KCNN2: variants seen among roughly 807,000 people sequenced by gnomAD.
KCNN2 encodes potassium calcium-activated channel subfamily N member 2.
A neutral mutation model predicts 55.5 loss-of-function variants in KCNN2; 24 were observed. The observed-to-expected ratio is 0.43, with a 90% confidence interval of 0.31 to 0.61. The LOEUF (loss-of-function observed/expected upper bound fraction) is 0.61, where lower values mean the gene tolerates loss of function less well. Ranked by LOEUF, KCNN2 falls within the 20% of genes least tolerant of loss-of-function variation. The pLI is 0.08. For missense variants in KCNN2, 754 were observed against 853.6 expected, an observed-to-expected ratio of 0.88 and a Z score of 1.45; for synonymous variants, 431 against 336.1, an observed-to-expected ratio of 1.28 and a Z score of -3.09.
chr5:114,234,055 TATATC>T (rs1295157541), intron 2 of KCNN2, among the ~76,000 whole-genome samples: 1 of 152,080 alleles, frequency 6.6e-6, no homozygotes, highest in Non-Finnish European at 1.5e-5. Flanking sequence ...AATTCATCCT[TATATC>T]ATTCATTTGA....
At chr5:114,225,679 C>T (rs1754226112) in intron 2 of KCNN2, among the ~76,000 whole-genome samples, 3 of 151,526 alleles carry the variant, frequency 2.0e-5, no homozygotes, top group Admixed American at 2.0e-4. Flanking sequence ...TCCAAGTTAT[C>T]TACAAAGAAA....
At chr5:114,474,450 C>T (rs1160288962) in intron 5 of KCNN2, among the ~76,000 whole-genome samples, 1 of 152,168 alleles carries the variant, frequency 6.6e-6, no homozygotes, top group African/African-American at 2.4e-5. Context: ...CCATGACTTA[C>T]TCTCATTTTC....
chr5:114,288,699 C>T lies in KCNN2; in HGVS notation c.-185+67134C>T, dbSNP rs192333113. 1.9e-4 allele frequency among the ~76,000 whole-genome samples: 29 copies of T among 152,176 alleles called. 1 individual carries two copies. The highest frequency in any genetic ancestry group is 5.2e-4 in the Admixed American group (8 of 15,276). On this transcript the variant is annotated intron_variant, in intron 2 of 10. Coordinates refer to the KCNN2 transcript ENST00000512097. ...GAAATGTCTACTCAAGCCCTTAGTT[C>T]ATTTTTTAATTGCATTGTCTTTTTG...
chr5:114,479,095 C>G (rs1762104664), intron 5 of KCNN2, among the ~76,000 whole-genome samples: 1 of 152,010 alleles, frequency 6.6e-6, no homozygotes, highest in Non-Finnish European at 1.5e-5. Flanking sequence ...TTAAAAGACA[C>G]AGAATGGCAA....
At chr5:114,426,897 A>G (rs1759640973) in intron 3 of KCNN2, among the ~76,000 whole-genome samples, 1 of 152,260 alleles carries the variant, frequency 6.6e-6, no homozygotes, top group Non-Finnish European at 1.5e-5. Context: ...TAACGGAAGC[A>G]TATAAAATTA....
At chr5:114,100,913 T>C (rs911539751) in intron 1 of KCNN2, among the ~76,000 whole-genome samples, 18 of 151,912 alleles carry the variant, frequency 1.2e-4, no homozygotes, top group Non-Finnish European at 2.6e-4. Flanking sequence ...AGTCCATAGT[T>C]ACATTACATT....
intron 1 of KCNN2, among the ~76,000 whole-genome samples, chr5:114,133,833 C>G (rs528806901): frequency 3.9e-5 from 6 of 152,060 alleles, no homozygotes; most frequent in African/African-American, 1.4e-4. Context: ...GTAAGGAGTC[C>G]GATGGTATTT....
chr5:114,208,801 A>G (rs966571613), intron 1 of KCNN2, among the ~76,000 whole-genome samples: 3 of 151,854 alleles, frequency 2.0e-5, no homozygotes, highest in African/African-American at 7.3e-5. Context: ...TTTTTATCTC[A>G]CTCTATCACC....
chr5:114,288,612 A>G (rs1429579101), intron 2 of KCNN2, among the ~76,000 whole-genome samples: 2 of 151,862 alleles, frequency 1.3e-5, no homozygotes, highest in Non-Finnish European at 2.9e-5. Context: ...GCATTTCTCT[A>G]GTGACTAATA....
chr5:114,369,715 T>C (rs944140710), intron 2 of KCNN2, among the ~76,000 whole-genome samples: 1 of 152,176 alleles, frequency 6.6e-6, no homozygotes, highest in Non-Finnish European at 1.5e-5. Flanking sequence ...ACTAATTTTC[T>C]CCGCCTGCTT....
intron 2 of KCNN2, among the ~76,000 whole-genome samples, chr5:114,244,658 AAGAG>A (rs991266779): frequency 6.6e-6 from 1 of 150,466 alleles, no homozygotes; most frequent in African/African-American, 2.4e-5. Flanking sequence ...GAGAGAGAGA[AAGAG>A]AGAAAGAAAA....
intron 2 of KCNN2, among the ~76,000 whole-genome samples, chr5:114,333,679 G>A (rs1319721060): frequency 6.6e-6 from 1 of 151,628 alleles, no homozygotes; most frequent in African/African-American, 2.4e-5. Flanking sequence ...ATTTTAAATG[G>A]TTTTCTAGAT....
At chr5:114,422,158 G>C (rs2150081585) in intron 3 of KCNN2, among the ~76,000 whole-genome samples, 1 of 152,312 alleles carries the variant, frequency 6.6e-6, no homozygotes, top group African/African-American at 2.4e-5. Context: ...TGCTACAGGA[G>C]ATGTCTCAAA....
chr5:114,394,177 A>T (rs949153111), intron 2 of KCNN2, among the ~76,000 whole-genome samples: 1 of 152,124 alleles, frequency 6.6e-6, no homozygotes, highest in Non-Finnish European at 1.5e-5. Flanking sequence ...ATGTAATAAA[A>T]CTTTTACTGC....
At chr5:114,466,488 T>C in intron 4 of KCNN2, among the ~76,000 whole-genome samples, 1 of 152,124 alleles carries the variant, frequency 6.6e-6, no homozygotes, top group Non-Finnish European at 1.5e-5. Context: ...TATATATATA[T>C]ATATAAAACA....
chr5:114,133,825 A>G (rs962751251), intron 1 of KCNN2, among the ~76,000 whole-genome samples: 1 of 152,224 alleles, frequency 6.6e-6, no homozygotes, highest in African/African-American at 2.4e-5. Flanking sequence ...TTTACCAAGT[A>G]AGGAGTCCGA....
intron 1 of KCNN2, among the ~76,000 whole-genome samples, chr5:114,144,713 A>T (rs1752361336): frequency 6.6e-6 from 1 of 152,006 alleles, no homozygotes; most frequent in South Asian, 2.1e-4. Flanking sequence ...TCCTACTAAT[A>T]ACATATATGG....
chr5:114,456,474 T>C (rs1454015053), intron 3 of KCNN2, among the ~76,000 whole-genome samples: 1 of 152,242 alleles, frequency 6.6e-6, no homozygotes, highest in Non-Finnish European at 1.5e-5. Context: ...CCGATGGAGA[T>C]GGACAAGATT....
At chr5:114,202,565 G>GTATATATATATA (rs1465277634) in intron 1 of KCNN2, among the ~76,000 whole-genome samples, 12 of 92,080 alleles carry the variant, frequency 1.3e-4, no homozygotes, top group African/African-American at 4.3e-4. Flanking sequence ...ATATATGTGT[G>GTATATATATATA]TGTATATATA....
Sources: gnomAD v4.1 joint callset for allele counts (sites outside exome capture counted in the v4.1 genomes callset) on GRCh38, gnomAD v4.1.1 for gene constraint, MANE v1.5 for transcripts, NCBI Gene and HGNC (gene_info 2026-07-23, HGNC 2026-07-21) for gene names.